The following FDXR variants were observed in gnomAD, a reference collection of about 807,000 sequenced individuals.
FDXR encodes ferredoxin reductase, also known as NADPH:adrenodoxin oxidoreductase, mitochondrial.
Under a neutral mutation model 58.3 loss-of-function variants are expected in FDXR, and 38 were observed. That is an observed-to-expected ratio of 0.65 (90% confidence interval 0.50 to 0.85). FDXR has a LOEUF of 0.85. Among genes scored for constraint, FDXR ranks in the 40% least tolerant of loss-of-function variants. The pLI, the probability that FDXR is intolerant of heterozygous loss-of-function variation, is 0.00. For synonymous variants in FDXR, 275 were observed against 273.8 expected, an observed-to-expected ratio of 1.00 and a Z score of -0.04; for missense variants, 624 against 671.0, an observed-to-expected ratio of 0.93 and a Z score of 0.77.
chr17:74,866,266 G>A (rs369416041), intron 4 of FDXR, 22 bp from the exon 5 acceptor site: 44 of 1,604,080 alleles, frequency 2.7e-5, no homozygotes, highest in Middle Eastern at 1.7e-4. Context: ...TGGCAGGCCC[G>A]AGACCCACAG....
At chr17:74,867,267 A>G (rs977856334) in intron 2 of FDXR, among the ~76,000 whole-genome samples, 2 of 130,952 alleles carry the variant, frequency 1.5e-5, no homozygotes. Context: ...AGATCGCGCC[A>G]TTGCACTCCA....
intron 2 of FDXR, 173 bp from the exon 3 acceptor site, chr17:74,867,049 G>A: frequency 7.1e-7 from 1 of 1,413,738 alleles, no homozygotes. Flanking sequence ...GCTCGCGCCT[G>A]TCAGCCCAGC....
At chr17:74,872,721 G>T (rs1461049141) in intron 1 of FDXR, 145 bp downstream of exon 1, 3 of 1,508,198 alleles carry the variant, frequency 2.0e-6, no homozygotes, top group African/African-American at 2.8e-5. Context: ...GCCCACCCCC[G>T]TACACCACCG....
At chr17:74,872,471 C>A (rs150202166) in intron 1 of FDXR, 2 of 637,260 alleles carry the variant, frequency 3.1e-6, no homozygotes, top group African/African-American at 3.7e-5. Flanking sequence ...CCGTGGGTCT[C>A]CCCACGGTGT....
chr17:74,864,626 C>G, intron 7 of FDXR, 62 bp from the exon 8 acceptor site: 1 of 1,520,712 alleles, frequency 6.6e-7, no homozygotes, highest in Non-Finnish European at 9.1e-7. Context: ...CCACCTGAGC[C>G]CACCCCAGGG....
chr17:74,864,282 G>A lies in FDXR; in HGVS notation c.868C>T (p.Pro290Ser). The A allele has an allele frequency of 1.3e-6, 2 of 1,595,440 alleles. No homozygotes were observed. The highest frequency in any genetic ancestry group is 1.7e-6 in the Non-Finnish European group (2 of 1,167,910). Residue 290 changes from proline to serine, a missense_variant, in exon 9 of 12, where the codon CCG (proline) becomes TCG (serine). Transcript: ENST00000293195. ...GATGCCTGGCGGGCAGCTTCCGCCG[G>A]CCCTGGCTTCTCTGTGGCCGTTCGA... The part of the protein sequence containing the change: ...LLRTATEKPG[P>S]AEAARQASAS...
intron 7 of FDXR, 79 bp downstream of exon 7, chr17:74,864,745 G>A (rs1434050640): frequency 7.6e-6 from 12 of 1,587,872 alleles, no homozygotes; most frequent in Non-Finnish European, 1.0e-5. Context: ...TACTCCCAGG[G>A]GCTCTGCCCC....
rs192679008 is a variant in FDXR, at chr17:74,867,261, C to T, written c.178-385G>A. Among the ~76,000 whole-genome samples the T allele has an allele frequency of 2.7e-3, 373 of 140,384 alleles. 3 individuals are homozygous for T. The highest frequency in any genetic ancestry group is 8.3e-3 in the East Asian group (37 of 4,450). The allele number at this position is 140,384 out of a possible 152,430, so 92.1% of individuals were successfully genotyped here. On this transcript the variant is annotated intron_variant, in intron 2 of 11. Coordinates refer to ENST00000293195, the MANE Select transcript of FDXR (RefSeq NM_024417.5). ...GGCAGAGGTTGCAGTGAGCGAAGATCGCGCCATTGCACTCCAGCCTGGGTG... is the reference window on the plus strand; with the variant it reads ...GGCAGAGGTTGCAGTGAGCGAAGATTGCGCCATTGCACTCCAGCCTGGGTG...
intron 2 of FDXR, among the ~76,000 whole-genome samples, chr17:74,867,972 C>G (rs1344881036): frequency 6.6e-6 from 1 of 152,126 alleles, no homozygotes; most frequent in African/African-American, 2.4e-5. Context: ...CCCAGCCCCC[C>G]ATCCTATCTT....
chr17:74,864,506 AAATC>A lies in FDXR; in HGVS notation c.772_775del (p.Asp258SerfsTer18). On this transcript the variant is annotated frameshift_variant, in exon 8 of 12. Coordinates refer to ENST00000293195, the MANE Select transcript of FDXR (RefSeq NM_024417.5). LOFTEE classifies it high-confidence loss of function. ...CTTGATCTTGTCCTGGAGACCCAAG[AAATC>A]CACAGGATCCAAAATGGGCCGGGCT... is the stretch of plus-strand genomic sequence containing the variant. The A allele has an allele frequency of 6.2e-7, 1 of 1,614,116 alleles. No homozygotes were observed. The highest frequency in any genetic ancestry group is 8.5e-7 in the Non-Finnish European group (1 of 1,179,998).
At chr17:74,867,505 G>C (rs2144667631) in intron 2 of FDXR, among the ~76,000 whole-genome samples, 1 of 152,034 alleles carries the variant, frequency 6.6e-6, no homozygotes, top group South Asian at 2.1e-4. Flanking sequence ...GTCCCAGCCA[G>C]TCTGAGGACC....
Position 74,866,174 on chromosome 17 carries a change from C to T in FDXR, c.464G>A (p.Arg155Gln), listed in dbSNP as rs370741969. ...CCCGTTGTACCAGCCCACGAAGGCC[C>T]GGGCGGAGCACACACCTGGCAGCTC... Reference protein sequence around the residue: ...GEELPGVCSARAFVGWYNGLP... With the variant: ...GEELPGVCSAQAFVGWYNGLP... The change falls in exon 5 of 12, where the codon CGG becomes CAG. Residue 155 changes from arginine (R) to glutamine (Q), a missense_variant. Coordinates refer to ENST00000293195, the MANE Select transcript of FDXR (RefSeq NM_024417.5). 14 of 1,613,948 alleles carry T rather than the reference C, an allele frequency of 8.7e-6. No individual in the cohort carries two copies. Among genetic ancestry groups the T allele is most frequent in the African/African-American group, 5.3e-5 (4 of 75,046 alleles).
chr17:74,865,244 G>A (rs771431302), intron 6 of FDXR, among the ~76,000 whole-genome samples: 6 of 152,158 alleles, frequency 3.9e-5, no homozygotes, highest in Non-Finnish European at 5.9e-5. Flanking sequence ...CCCTCTCAGA[G>A]CTTGTGATCT....
rs149477341 is a variant in FDXR, at chr17:74,872,099, G to T, written c.114C>A (p.Thr38=). Residue 38 remains threonine (T), a synonymous_variant, in exon 2 of 12, where the codon ACC becomes ACA. Transcript: ENST00000293195. ...FCHHFSTQEK[T]PQICVVGSGP... is the part of the protein sequence containing the mutation. ...CACTGCCCACCACACAGATCTGGGG[G>T]GTCTTCTCCTGTGTGGAGAAATGGT... is the stretch of plus-strand genomic sequence containing the variant. 2 of 1,607,126 alleles carry T rather than the reference G, an allele frequency of 1.2e-6. No individual in the cohort carries two copies. Among genetic ancestry groups the T allele is most frequent in the Non-Finnish European group, 1.7e-6 (2 of 1,176,442 alleles).
Position 74,872,047 on chromosome 17 carries a change from G to A in FDXR, c.166C>T (p.His56Tyr). Residue 56 changes from histidine to tyrosine, a missense_variant, in exon 2 of 12, where the codon CAC becomes TAC. Physicochemically the swap from His to Tyr is moderately conservative, Grantham distance 83. Coordinates refer to ENST00000293195, the MANE Select transcript of FDXR (RefSeq NM_024417.5). Reference protein sequence around the residue: ...SGPAGFYTAQHLLKHPQAHVD... With the variant: ...SGPAGFYTAQYLLKHPQAHVD... ...AGTAAGTGGCTTACCTTTAGCAGGT[G>A]TTGGGCCGTGTAGAAGCCAGCTGGG... The A allele has an allele frequency of 6.3e-7, 1 of 1,597,326 alleles. No individual in the cohort carries two copies. The highest frequency in any genetic ancestry group is 8.5e-7 in the Non-Finnish European group (1 of 1,171,342).
At chr17:74,865,896 C>T in intron 5 of FDXR, 76 bp from the exon 6 acceptor site, 1 of 1,205,984 alleles carries the variant, frequency 8.3e-7, no homozygotes, top group South Asian at 1.3e-5. Context: ...GTGCCTCATG[C>T]CTGGTCCCCA....
intron 5 of FDXR, 150 bp downstream of exon 5, chr17:74,865,981 C>T (rs1256508172): frequency 2.4e-6 from 2 of 826,400 alleles, no homozygotes; most frequent in Non-Finnish European, 3.9e-6. Flanking sequence ...ACCCAGCTCT[C>T]CCCCGAGGCC....
In FDXR at chr17:74,866,307, GC is replaced by G. The variant is rs1220324598; in HGVS notation, c.394-64del. The G allele has an allele frequency of 9.5e-6, 15 of 1,571,826 alleles. No homozygotes were observed. The East Asian group carries it at 2.3e-4, about 24-fold the overall frequency. ...AGCACCAGCACTGATAGGCCGGGCAGCCCCCCAGGCTCCCAGCGGCCTCCTT... is the reference window on the plus strand; with the variant it reads ...AGCACCAGCACTGATAGGCCGGGCAGCCCCCAGGCTCCCAGCGGCCTCCTT... On this transcript the variant is annotated intron_variant, in intron 4 of 11. Coordinates refer to ENST00000293195, the MANE Select transcript of FDXR (RefSeq NM_024417.5).
intron 2 of FDXR, among the ~76,000 whole-genome samples, chr17:74,869,480 G>C (rs1033954647): frequency 6.6e-6 from 1 of 152,012 alleles, no homozygotes. Context: ...ACGCCTTACT[G>C]CACACAGGCA....
Sources: allele counts gnomAD v4.1 joint callset (sites outside exome capture counted in the v4.1 genomes callset), GRCh38; gene constraint gnomAD v4.1.1; transcripts MANE v1.5; gene names NCBI Gene and HGNC (gene_info 2026-07-23, HGNC 2026-07-21).